MACROD2: variants seen among roughly 807,000 people sequenced by gnomAD.
MACROD2 encodes the protein ADP-ribose glycohydrolase MACROD2.
A neutral mutation model predicts 70.4 loss-of-function variants in MACROD2; 36 were observed. That is an observed-to-expected ratio of 0.51 (90% CI 0.39 to 0.68). The LOEUF (loss-of-function observed/expected upper bound fraction) is 0.68. Ranked by LOEUF, MACROD2 falls within the 30% of genes least tolerant of loss-of-function variation. MACROD2 has a pLI of 0.00. For missense variants in MACROD2, 496 were observed against 538.4 expected (o/e 0.92, Z 0.78); for synonymous variants, 172 against 178.8 (o/e 0.96, Z 0.30).
At chr20:15,454,050 G>C (rs1055914624) in intron 7 of MACROD2, among the ~76,000 whole-genome samples, 24 of 152,120 alleles carry the variant, frequency 1.6e-4, no homozygotes, top group African/African-American at 5.3e-4. Flanking sequence ...TGGGTTTATG[G>C]AGAAAGCTAA....
chr20:15,041,343 C>G (rs1568545153), intron 5 of MACROD2, among the ~76,000 whole-genome samples: 1 of 151,872 alleles, frequency 6.6e-6, no homozygotes, highest in Non-Finnish European at 1.5e-5. Context: ...CTTCAATTGC[C>G]CACTTCTGGC....
chr20:14,448,777 G>A (rs1010701818), intron 3 of MACROD2, among the ~76,000 whole-genome samples: 3 of 140,372 alleles, frequency 2.1e-5, no homozygotes, highest in African/African-American at 7.7e-5. Flanking sequence ...TCATCATGCA[G>A]TGCGTTGATT....
intron 6 of MACROD2, among the ~76,000 whole-genome samples, chr20:15,304,970 G>A (rs2077683517): frequency 6.6e-6 from 1 of 152,202 alleles, no homozygotes; most frequent in Admixed American, 6.5e-5. Context: ...TTACAACTCT[G>A]AGCTTTATTT....
intron 5 of MACROD2, among the ~76,000 whole-genome samples, chr20:15,206,361 C>A (rs941363449): frequency 2.0e-5 from 3 of 152,102 alleles, no homozygotes; most frequent in Non-Finnish European, 2.9e-5. Flanking sequence ...TTGGAACTTA[C>A]ATGGAGCTAT....
chr20:14,827,718 T>C, intron 5 of MACROD2, among the ~76,000 whole-genome samples: 1 of 152,032 alleles, frequency 6.6e-6, no homozygotes, highest in East Asian at 1.9e-4. Context: ...TGTTGGAACA[T>C]ACTCTTTGCT....
At chr20:14,275,797 C>A (rs2082248708) in intron 3 of MACROD2, among the ~76,000 whole-genome samples, 1 of 151,776 alleles carries the variant, frequency 6.6e-6, no homozygotes, top group South Asian at 2.1e-4. Context: ...AAAAAACAAC[C>A]CCATCAACAA....
At chr20:15,387,596 A>C (rs1161870795) in intron 6 of MACROD2, among the ~76,000 whole-genome samples, 1 of 151,494 alleles carries the variant, frequency 6.6e-6, no homozygotes, top group Non-Finnish European at 1.5e-5. Context: ...CCATAAAGGA[A>C]GCTCTTTTGT....
intron 4 of MACROD2, among the ~76,000 whole-genome samples, chr20:14,604,542 A>T (rs1329741632): frequency 1.3e-5 from 2 of 152,204 alleles, no homozygotes; most frequent in Non-Finnish European, 2.9e-5. Flanking sequence ...GGCTTTCTGC[A>T]TAAGCCTCAG....
intron 5 of MACROD2, among the ~76,000 whole-genome samples, chr20:15,026,806 A>G (rs962659310): frequency 2.0e-5 from 3 of 152,182 alleles, no homozygotes; most frequent in Admixed American, 6.5e-5. Context: ...TTCAGAGCCA[A>G]GCTCATCAGC....
At chr20:14,522,722 A>G (rs970118582) in intron 4 of MACROD2, among the ~76,000 whole-genome samples, 2 of 152,204 alleles carry the variant, frequency 1.3e-5, no homozygotes, top group South Asian at 2.1e-4. Context: ...CTTGTATGGA[A>G]TTAAGGAGAT....
At chr20:14,696,193 T>TAGAC (rs2071124371) in intron 5 of MACROD2, among the ~76,000 whole-genome samples, 1 of 152,124 alleles carries the variant, frequency 6.6e-6, no homozygotes. Flanking sequence ...GATCGATAGA[T>TAGAC]AGATAGATAG....
intron 5 of MACROD2, among the ~76,000 whole-genome samples, chr20:15,167,324 G>C (rs2076392643): frequency 6.6e-6 from 1 of 152,090 alleles, no homozygotes; most frequent in African/African-American, 2.4e-5. Flanking sequence ...AGCTTTATCT[G>C]TATTTGTGAA....
rs758699438 is a variant in MACROD2 at position 15,321,709 on chromosome 20, T to G, written c.540+91648T>G. On this transcript the variant is annotated intron_variant, in intron 6 of 17. Coordinates refer to ENST00000684519, the MANE Select transcript of MACROD2 (RefSeq NM_001351661.2). ...TTTTGCAAAGATAGTGAGAAAACAT[T>G]ATTTTTTGCCCTGCAAGAGAACAAG... Among the ~76,000 whole-genome samples the G allele has an allele frequency of 2.8e-5, 4 of 144,660 alleles. 1 individual carries two copies. Among genetic ancestry groups the G allele is most frequent in the Non-Finnish European group, 1.6e-5 (1 of 63,894 alleles). 94.9% of individuals were successfully genotyped at this position (144,660 alleles called of 152,430 possible).
At chr20:14,867,833 C>T (rs2073444705) in intron 5 of MACROD2, among the ~76,000 whole-genome samples, 1 of 152,002 alleles carries the variant, frequency 6.6e-6, no homozygotes, top group South Asian at 2.1e-4. Flanking sequence ...TGTGGTGTCA[C>T]CTCTTTCTCC....
At chr20:15,581,433 C>T (rs1275305801) in intron 8 of MACROD2, among the ~76,000 whole-genome samples, 2 of 152,162 alleles carry the variant, frequency 1.3e-5, no homozygotes, top group Admixed American at 6.5e-5. Flanking sequence ...CTGTGACCTC[C>T]AGTTATTTCA....
intron 8 of MACROD2, among the ~76,000 whole-genome samples, chr20:15,533,787 A>G (rs1243932094): frequency 6.6e-6 from 1 of 152,052 alleles, no homozygotes; most frequent in African/African-American, 2.4e-5. Flanking sequence ...GGAGGGAGGG[A>G]ACTTGTCTGA....
intron 3 of MACROD2, among the ~76,000 whole-genome samples, chr20:14,421,740 T>A (rs2083878187): frequency 6.6e-6 from 1 of 152,312 alleles, no homozygotes; most frequent in Non-Finnish European, 1.5e-5. Context: ...ATTCCTAGTT[T>A]CATTCCATTG....
chr20:15,631,212 G>A (rs908783003), intron 8 of MACROD2, among the ~76,000 whole-genome samples: 1 of 152,200 alleles, frequency 6.6e-6, no homozygotes, highest in African/African-American at 2.4e-5. Context: ...CAGAAGGACA[G>A]CACGGTCTCT....
intron 5 of MACROD2, among the ~76,000 whole-genome samples, chr20:14,729,900 A>G (rs962053699): frequency 6.6e-6 from 1 of 152,198 alleles, no homozygotes; most frequent in Non-Finnish European, 1.5e-5. Context: ...AAGTATTTGC[A>G]TTACATTTAT....
Sources: allele counts gnomAD v4.1 joint callset (sites outside exome capture counted in the v4.1 genomes callset), GRCh38; gene constraint gnomAD v4.1.1; transcripts MANE v1.5; gene names NCBI Gene and HGNC (gene_info 2026-07-23, HGNC 2026-07-21).